Variants in MCF2 observed in about 807,000 individuals in gnomAD.
MCF2 encodes MCF.2 cell line derived transforming sequence.
MCF2 carries 44 observed loss-of-function variants against 82.5 expected under a neutral mutation model. That is an observed-to-expected ratio of 0.53 (90% CI 0.42 to 0.69). MCF2 has a LOEUF of 0.69. MCF2 is among the 30% of genes least tolerant of loss of function. MCF2 has a pLI of 0.00. For missense variants in MCF2, 623 were observed against 663.1 expected, an observed-to-expected ratio of 0.94 and a Z score of 0.66; for synonymous variants, 217 against 224.9, an observed-to-expected ratio of 0.96 and a Z score of 0.32.
At chrX:139,606,578 C>G (rs1008981064) in intron 12 of MCF2, among the ~76,000 whole-genome samples, 2 of 111,259 alleles carry the variant, frequency 1.8e-5, no homozygotes, top group Non-Finnish European at 3.8e-5. Flanking sequence ...AGGCTGGTCT[C>G]GAACTCCTGA....
chrX:139,645,490 G>A (rs1353196762), upstream of MCF2: 9 of 556,836 alleles, frequency 1.6e-5, no homozygotes, highest in Admixed American at 3.5e-5. Flanking sequence ...CAGTACCAAA[G>A]TAATCTATAC....
At chrX:139,675,876 T>G (rs1324217372) in intron 1 of MCF2, among the ~76,000 whole-genome samples, 1 of 112,831 alleles carries the variant, frequency 8.9e-6, no homozygotes, top group Non-Finnish European at 1.9e-5. Flanking sequence ...CAGGGACGTT[T>G]AAGTCTGCAG....
chrX:139,626,759 G>C lies in MCF2; in HGVS notation c.439-3C>G. On this transcript the variant is annotated splice_region_variant and splice_polypyrimidine_tract_variant and intron_variant, in intron 4 of 24. Transcript: ENST00000370576. ...TTGGTTACAGCTGTAATATCATTCTGTCCAAAGACACAAAAGGAGTATCAC... is the reference window on the plus strand; with the variant it reads ...TTGGTTACAGCTGTAATATCATTCTCTCCAAAGACACAAAAGGAGTATCAC... 8.3e-7 allele frequency: 1 copy of C among 1,205,456 alleles called. No individual in the cohort carries two copies. Among genetic ancestry groups the C allele is most frequent in the Non-Finnish European group, 1.1e-6 (1 of 891,121 alleles).
chrX:139,616,312 T>C, exon 9 of MCF2: 1 of 1,138,778 alleles, frequency 8.8e-7, no homozygotes, highest in East Asian at 3.0e-5. Context: ...TTACATCAAA[T>C]TCATACTGCA....
chrX:139,651,570 T>C, intron 2 of MCF2, 150 bp downstream of exon 2: 1 of 359,135 alleles, frequency 2.8e-6, no homozygotes, highest in Non-Finnish European at 5.0e-6. Flanking sequence ...AGGTGCACAA[T>C]GTACAAATGT....
rs1340828996 is a variant in MCF2, at chrX:139,651,795, C to T, written c.-44-7G>A. On this transcript the variant is annotated splice_region_variant and splice_polypyrimidine_tract_variant and intron_variant, in intron 1 of 27. Transcript: ENST00000414978. ...CGGAGGAGCAGATCGGTTTCTATGA[C>T]AAACGAAAATAGAAGAAATGACATA... 2 of 1,092,674 alleles carry T rather than the reference C, an allele frequency of 1.8e-6. No individual in the cohort carries two copies. The highest frequency in any genetic ancestry group is 2.0e-5 in the South Asian group (1 of 49,817). 90.0% of individuals were successfully genotyped at this position (1,092,674 alleles called of 1,213,427 possible).
chrX:139,604,638 G>T, intron 15 of MCF2, 43 bp downstream of exon 19: 2 of 836,723 alleles, frequency 2.4e-6, no homozygotes, highest in Admixed American at 3.2e-5. Context: ...TTGCTATTTT[G>T]GTGGTGCATA....
At chrX:139,604,554 A>C in intron 15 of MCF2, 127 bp downstream of exon 19, 1 of 393,434 alleles carries the variant, frequency 2.5e-6, no homozygotes, top group South Asian at 7.2e-5. Flanking sequence ...TACTTGCTGG[A>C]GTAATGTGTC....
chrX:139,594,893 A>C (rs1466434962), intron 19 of MCF2, among the ~76,000 whole-genome samples: 1 of 111,310 alleles, frequency 9.0e-6, no homozygotes, highest in African/African-American at 3.3e-5. Flanking sequence ...AAAAACAAAT[A>C]ACCCCATCAA....
At chrX:139,651,598 C>T in intron 2 of MCF2, 122 bp downstream of exon 2, 1 of 386,721 alleles carries the variant, frequency 2.6e-6, no homozygotes, top group Non-Finnish European at 4.5e-6. Context: ...AATAGTGCTT[C>T]TCAAATGAAT....
chrX:139,602,297 T>C (rs193003586), intron 16 of MCF2, 109 bp downstream of exon 20: 70 of 605,066 alleles, frequency 1.2e-4, no homozygotes, highest in Middle Eastern at 1.0e-3. Flanking sequence ...TTAACTCATA[T>C]ACGTATATGC....
chrX:139,665,669 G>A (rs1455699838), intron 1 of MCF2, among the ~76,000 whole-genome samples: 1 of 109,012 alleles, frequency 9.2e-6, no homozygotes, highest in East Asian at 2.9e-4. Context: ...TGGTTCTTAT[G>A]AGGTGCTTTT....
At chrX:139,692,364 G>A (rs1401352791) in intron 1 of MCF2, among the ~76,000 whole-genome samples, 3 of 110,631 alleles carry the variant, frequency 2.7e-5, no homozygotes, top group African/African-American at 6.5e-5. Context: ...GAGGCGCAGA[G>A]GCCCGAGAGC....
intron 1 of MCF2, among the ~76,000 whole-genome samples, chrX:139,682,673 C>G (rs368048711): frequency 5.3e-4 from 59 of 111,751 alleles, no homozygotes; most frequent in African/African-American, 1.9e-3. Flanking sequence ...CATGAAAAAG[C>G]CTTTGCCGAT....
intron 6 of MCF2, among the ~76,000 whole-genome samples, chrX:139,625,923 C>A (rs1199035581): frequency 1.8e-5 from 2 of 111,438 alleles, no homozygotes; most frequent in Non-Finnish European, 3.8e-5. Flanking sequence ...ATTTGAATAA[C>A]AAACCCCAAA....
chrX:139,682,733 C>CAGAAGATG (rs1471756434), intron 1 of MCF2, among the ~76,000 whole-genome samples: 1 of 111,578 alleles, frequency 9.0e-6, no homozygotes, highest in Admixed American at 9.5e-5. Flanking sequence ...TTCTGTTATC[C>CAGAAGATG]CACCCCAGTC....
intron 6 of MCF2, among the ~76,000 whole-genome samples, chrX:139,624,587 G>A (rs890742992): frequency 9.3e-6 from 1 of 107,559 alleles, no homozygotes; most frequent in East Asian, 2.9e-4. Flanking sequence ...AAAAGACAAA[G>A]AAAGGCTGTG....
intron 16 of MCF2, among the ~76,000 whole-genome samples, chrX:139,600,005 T>A (rs1192540162): frequency 8.9e-6 from 1 of 111,870 alleles, no homozygotes; most frequent in Non-Finnish European, 1.9e-5. Context: ...AACTAATACA[T>A]GCTACAACAT....
At chrX:139,592,997 T>C (rs556779103) in intron 19 of MCF2, among the ~76,000 whole-genome samples, 1 of 112,089 alleles carries the variant, frequency 8.9e-6, no homozygotes, top group South Asian at 3.7e-4. Flanking sequence ...AATATACTGG[T>C]GATGAGAACT....
Sources: gnomAD v4.1 joint callset for allele counts (sites outside exome capture counted in the v4.1 genomes callset) on GRCh38, gnomAD v4.1.1 for gene constraint, MANE v1.5 for transcripts, NCBI Gene and HGNC (gene_info 2026-07-23, HGNC 2026-07-21) for gene names.